The following HNF4G variants were observed in gnomAD, a reference collection of about 807,000 sequenced individuals.
The protein encoded by HNF4G is hepatocyte nuclear factor 4-gamma.
In HNF4G, 21 loss-of-function variants were observed where a neutral mutation model predicts 50.9. The ratio of observed to expected loss-of-function variants is 0.41; its 90% CI spans 0.29 to 0.59. HNF4G has a LOEUF of 0.59. Ranked by LOEUF, HNF4G falls within the 20% of genes least tolerant of loss-of-function variation. The pLI, the probability that HNF4G is intolerant of heterozygous loss-of-function variation, is 0.26. For missense variants in HNF4G, 527 were observed against 559.4 expected (o/e 0.94, Z 0.58); for synonymous variants, 198 against 185.6 (o/e 1.07, Z -0.54).
intron 2 of HNF4G, among the ~76,000 whole-genome samples, chr8:75,533,868 A>T (rs1806392838): frequency 6.6e-6 from 1 of 151,908 alleles, no homozygotes; most frequent in Non-Finnish European, 1.5e-5. Context: ...GACTGAACAT[A>T]TAATCTATTA....
At chr8:75,475,134 C>T (rs902341117) in intron 1 of HNF4G, among the ~76,000 whole-genome samples, 4 of 151,824 alleles carry the variant, frequency 2.6e-5, no homozygotes, top group Non-Finnish European at 4.4e-5. Flanking sequence ...CTCAGCCTCC[C>T]GAGTAGCTGA....
intron 1 of HNF4G, among the ~76,000 whole-genome samples, chr8:75,473,086 G>A (rs1259779109): frequency 6.6e-6 from 1 of 152,008 alleles, no homozygotes; most frequent in East Asian, 1.9e-4. Context: ...GAGGCGGGTG[G>A]ATCACAAGGT....
chr8:75,437,780 T>G (rs978626320), intron 1 of HNF4G, among the ~76,000 whole-genome samples: 1 of 152,024 alleles, frequency 6.6e-6, no homozygotes, highest in Non-Finnish European at 1.5e-5. Flanking sequence ...ATTTTTATCA[T>G]TAGATTCGGT....
intron 1 of HNF4G, among the ~76,000 whole-genome samples, chr8:75,434,314 GT>G (rs1811088209): frequency 6.6e-6 from 1 of 151,958 alleles, no homozygotes; most frequent in African/African-American, 2.4e-5. Flanking sequence ...AATAACTTAT[GT>G]TTCCAAGAAG....
At chr8:75,515,427 T>A (rs148479260) in intron 2 of HNF4G, among the ~76,000 whole-genome samples, 1 of 152,080 alleles carries the variant, frequency 6.6e-6, no homozygotes, top group Admixed American at 6.6e-5. Context: ...CACATACATA[T>A]ATATTCATTA....
At chr8:75,523,751 T>G (rs1246840231) in intron 2 of HNF4G, among the ~76,000 whole-genome samples, 1 of 151,848 alleles carries the variant, frequency 6.6e-6, no homozygotes, top group African/African-American at 2.4e-5. Flanking sequence ...TAATACTAAA[T>G]AGAGTATTAA....
At chr8:75,562,953 A>T (rs986108860) in intron 9 of HNF4G, among the ~76,000 whole-genome samples, 13 of 152,158 alleles carry the variant, frequency 8.5e-5, no homozygotes, top group African/African-American at 2.9e-4. Context: ...TTGATTTGTC[A>T]TTTAAACTGC....
intron 2 of HNF4G, among the ~76,000 whole-genome samples, chr8:75,501,507 A>G (rs1812924403): frequency 1.3e-5 from 2 of 152,150 alleles, no homozygotes; most frequent in South Asian, 2.1e-4. Context: ...ACAGAATCCA[A>G]ATGTACTCCA....
intron 1 of HNF4G, among the ~76,000 whole-genome samples, chr8:75,410,022 A>G (rs1197600763): frequency 6.6e-5 from 10 of 152,136 alleles, no homozygotes; most frequent in South Asian, 2.1e-4. Flanking sequence ...GTATTCTGAA[A>G]TTTATTTTTC....
chr8:75,471,876 T>G (rs899656078), intron 1 of HNF4G, among the ~76,000 whole-genome samples: 2 of 152,220 alleles, frequency 1.3e-5, no homozygotes, highest in African/African-American at 4.8e-5. Context: ...TGTTAGCTTC[T>G]TTTAAGGGCA....
At chr8:75,428,091 A>G (rs187034251) in intron 1 of HNF4G, among the ~76,000 whole-genome samples, 103 of 152,320 alleles carry the variant, frequency 6.8e-4, no homozygotes, top group Admixed American at 1.8e-3. Flanking sequence ...TATAAACTAG[A>G]GGTATACTCA....
chr8:75,480,140 T>C (rs2130654672), intron 1 of HNF4G, among the ~76,000 whole-genome samples: 2 of 152,336 alleles, frequency 1.3e-5, no homozygotes, highest in Non-Finnish European at 2.9e-5. Flanking sequence ...GGTTTATTAA[T>C]GTAAATTTTA....
chr8:75,521,464 A>G (rs1031804206), intron 2 of HNF4G, among the ~76,000 whole-genome samples: 5 of 152,228 alleles, frequency 3.3e-5, no homozygotes, highest in Admixed American at 3.3e-4. Context: ...TGTGATAAGT[A>G]GGTGAATGAT....
At chr8:75,440,949 T>C (rs564700967) in intron 1 of HNF4G, among the ~76,000 whole-genome samples, 53 of 152,214 alleles carry the variant, frequency 3.5e-4, no homozygotes, top group Admixed American at 3.2e-3. Context: ...CCTCAACCTC[T>C]TGGGCTCCAG....
At chr8:75,548,509 G>A (rs1357576942) in intron 3 of HNF4G, among the ~76,000 whole-genome samples, 3 of 152,038 alleles carry the variant, frequency 2.0e-5, no homozygotes, top group South Asian at 2.1e-4. Context: ...TCGAGGGACC[G>A]AGACAAGAGA....
chr8:75,559,934 C>A (rs2130816457), intron 8 of HNF4G, among the ~76,000 whole-genome samples: 1 of 152,134 alleles, frequency 6.6e-6, no homozygotes, highest in East Asian at 1.9e-4. Flanking sequence ...CTTGTAAAAT[C>A]ATTATATTTA....
chr8:75,429,386 A>C (rs1810956911), intron 1 of HNF4G, among the ~76,000 whole-genome samples: 1 of 152,044 alleles, frequency 6.6e-6, no homozygotes, highest in African/African-American at 2.4e-5. Flanking sequence ...TTCTTTAGAC[A>C]ACATACAGAC....
intron 1 of HNF4G, among the ~76,000 whole-genome samples, chr8:75,418,104 A>T (rs976918779): frequency 6.6e-6 from 1 of 152,154 alleles, no homozygotes. Flanking sequence ...TAGAAATTTA[A>T]GATTAAGGTT....
Position 75,539,986 on chromosome 8 carries a change from A to G in HNF4G, c.24A>G (p.Ile8Met). Residue 8 changes from isoleucine to methionine, a missense_variant, in exon 1 of 10, where the codon ATA becomes ATG. By Grantham distance (10) the Ile-to-Met change is conservative. Coordinates refer to ENST00000396423, the MANE Select transcript of HNF4G (RefSeq NM_004133.5). ...CAATGATGAGGGTATCAGAACCAAT[A>G]CTGGACATGGACATGGCAAATTACA... MMRVSEP[I>M]LDMDMANYSE... 1.3e-6 allele frequency: 2 copies of G among 1,582,038 alleles called. No individual in the cohort carries two copies. Among genetic ancestry groups the G allele is most frequent in the Non-Finnish European group, 1.7e-6 (2 of 1,150,986 alleles).
Sources: allele counts gnomAD v4.1 joint callset (sites outside exome capture counted in the v4.1 genomes callset), GRCh38; gene constraint gnomAD v4.1.1; transcripts MANE v1.5; gene names NCBI Gene and HGNC (gene_info 2026-07-23, HGNC 2026-07-21).